The following CLMP variants were observed in gnomAD, a reference collection of about 807,000 sequenced individuals.
CLMP encodes CXADR like cell adhesion molecule.
In CLMP, 27 loss-of-function variants were observed where a neutral mutation model predicts 45.2. The ratio of observed to expected loss-of-function variants is 0.60; its 90% CI spans 0.44 to 0.82. The LOEUF is 0.82. Among genes scored for constraint, CLMP ranks in the 40% least tolerant of loss-of-function variants. CLMP has a pLI of 0.00. For synonymous variants in CLMP, 167 were observed against 171.4 expected, an observed-to-expected ratio of 0.97 and a Z score of 0.20; for missense variants, 403 against 448.4, an observed-to-expected ratio of 0.90 and a Z score of 0.91.
chr11:123,178,819 C>A (rs2135546303), intron 1 of CLMP, among the ~76,000 whole-genome samples: 1 of 152,288 alleles, frequency 6.6e-6, no homozygotes, highest in South Asian at 2.1e-4. Context: ...TTGGGCAAGT[C>A]ATTTAAATCC....
rs4390357 is a variant in CLMP at position 123,143,991 on chromosome 11, T to C, written c.29-46039A>G. ...TCTTGGCTAAGTTTTGTATTTTTAG[T>C]AGAGATGGGGTTTCACCATGTTGGA... On this transcript the variant is annotated intron_variant, in intron 1 of 6. Coordinates refer to ENST00000448775, the MANE Select transcript of CLMP (RefSeq NM_024769.5). Among the ~76,000 whole-genome samples the C allele has an allele frequency of 5.8e-3, 879 of 152,176 alleles. 8 individuals are homozygous for C. The highest frequency in any genetic ancestry group is 0.021 in the African/African-American group (852 of 41,512).
At chr11:123,119,818 T>C (rs11602055) in intron 1 of CLMP, among the ~76,000 whole-genome samples, 34,682 of 151,836 alleles carry the variant, frequency 0.23, 4,134 homozygotes, top group Admixed American at 0.29. Flanking sequence ...TCCCCAGTAG[T>C]TGGGATTAGA....
chr11:123,183,422 G>C (rs1159506678), intron 1 of CLMP, among the ~76,000 whole-genome samples: 3 of 152,056 alleles, frequency 2.0e-5, no homozygotes, highest in Non-Finnish European at 4.4e-5. Context: ...GTAAAGACAG[G>C]GTTTCACTAT....
intron 1 of CLMP, among the ~76,000 whole-genome samples, chr11:123,127,448 C>A (rs1454764612): frequency 6.6e-6 from 1 of 152,102 alleles, no homozygotes; most frequent in Non-Finnish European, 1.5e-5. Context: ...GACTTATTTT[C>A]CATATTAGTA....
At chr11:123,173,980 G>A (rs374536761) in intron 1 of CLMP, among the ~76,000 whole-genome samples, 1 of 152,182 alleles carries the variant, frequency 6.6e-6, no homozygotes, top group South Asian at 2.1e-4. Context: ...CTACTTGGGA[G>A]GCTGAGGTGG....
chr11:123,146,540 G>A (rs556380800), intron 1 of CLMP, among the ~76,000 whole-genome samples: 3 of 151,996 alleles, frequency 2.0e-5, no homozygotes, highest in Non-Finnish European at 2.9e-5. Context: ...AGTAGAGGTC[G>A]GCCCACTCCT....
intron 2 of CLMP, among the ~76,000 whole-genome samples, chr11:123,092,448 C>T (rs1205802937): frequency 6.6e-6 from 1 of 152,106 alleles, no homozygotes; most frequent in African/African-American, 2.4e-5. Flanking sequence ...CAGGCACACA[C>T]CACCACGCCC....
intron 1 of CLMP, among the ~76,000 whole-genome samples, chr11:123,114,133 G>A (rs921994188): frequency 5.3e-5 from 8 of 152,156 alleles, no homozygotes; most frequent in Non-Finnish European, 1.2e-4. Context: ...TCGAACAGAG[G>A]CAGAGGGGGC....
chr11:123,098,884 G>A (rs960395602), intron 1 of CLMP, among the ~76,000 whole-genome samples: 3 of 151,078 alleles, frequency 2.0e-5, no homozygotes, highest in African/African-American at 7.3e-5. Context: ...TAGTAGAGAC[G>A]GGGTTTCACC....
chr11:123,093,368 ATGGAGTCTCACTCTGTCACCCAGAC>A, intron 2 of CLMP, among the ~76,000 whole-genome samples: 1 of 151,960 alleles, frequency 6.6e-6, no homozygotes, highest in African/African-American at 2.4e-5. Context: ...CGGGGTGGGG[ATGGAGTCTCACTCTGTCACCCAGAC>A]TGGAGTGCAG....
At chr11:123,176,482 C>A (rs897829517) in intron 1 of CLMP, among the ~76,000 whole-genome samples, 1 of 152,184 alleles carries the variant, frequency 6.6e-6, no homozygotes, top group Non-Finnish European at 1.5e-5. Context: ...GCTGGTGGCC[C>A]GCAGGCACCA....
At chr11:123,177,676 A>G (rs1236228467) in intron 1 of CLMP, among the ~76,000 whole-genome samples, 1 of 152,182 alleles carries the variant, frequency 6.6e-6, no homozygotes, top group East Asian at 1.9e-4. Context: ...GGCATGAGCC[A>G]CTGTGCCCAG....
chr11:123,093,941 G>A (rs114243459), intron 2 of CLMP, among the ~76,000 whole-genome samples: 98 of 152,248 alleles, frequency 6.4e-4, no homozygotes, highest in African/African-American at 1.7e-3. Flanking sequence ...TCTGAATGGA[G>A]ATGGATGCAG....
chr11:123,127,746 G>A (rs918988243), intron 1 of CLMP, among the ~76,000 whole-genome samples: 13 of 152,002 alleles, frequency 8.6e-5, no homozygotes, highest in Non-Finnish European at 1.8e-4. Context: ...TAGATATAAA[G>A]AGTAACGTGG....
intron 1 of CLMP, among the ~76,000 whole-genome samples, chr11:123,122,493 G>A (rs1860833622): frequency 6.6e-6 from 1 of 152,192 alleles, no homozygotes; most frequent in Non-Finnish European, 1.5e-5. Context: ...AAACAGAACA[G>A]CTTGTCCGTG....
At chr11:123,104,487 C>T (rs1175806777) in intron 1 of CLMP, among the ~76,000 whole-genome samples, 1 of 151,762 alleles carries the variant, frequency 6.6e-6, no homozygotes, top group East Asian at 2.0e-4. Flanking sequence ...CAGGTTCAAA[C>T]GATTCTCCTG....
chr11:123,141,753 A>G (rs201775142), intron 1 of CLMP, among the ~76,000 whole-genome samples: 8 of 151,978 alleles, frequency 5.3e-5, no homozygotes, highest in African/African-American at 1.9e-4. Context: ...AAACTTAATT[A>G]ATTTATTATT....
At chr11:123,130,845 T>A (rs1860975979) in intron 1 of CLMP, among the ~76,000 whole-genome samples, 1 of 147,478 alleles carries the variant, frequency 6.8e-6, no homozygotes, top group African/African-American at 2.5e-5. Context: ...CTTTTCCTTT[T>A]TTTTTTTTTT....
intron 2 of CLMP, 102 bp from the exon 3 acceptor site, chr11:123,084,815 A>G: frequency 1.0e-6 from 1 of 974,320 alleles, no homozygotes; most frequent in Non-Finnish European, 1.6e-6. Flanking sequence ...GGCACAAAGT[A>G]GTCAAGCCTG....
Sources: gnomAD v4.1 joint callset for allele counts (sites outside exome capture counted in the v4.1 genomes callset) on GRCh38, gnomAD v4.1.1 for gene constraint, MANE v1.5 for transcripts, NCBI Gene and HGNC (gene_info 2026-07-23, HGNC 2026-07-21) for gene names.